Variants in RFWD3 observed in about 807,000 individuals in gnomAD.
RFWD3 encodes the protein ring finger and WD repeat domain 3.
RFWD3 carries 65 observed loss-of-function variants against 87.7 expected under a neutral mutation model. The observed-to-expected ratio is 0.74, with a 90% CI of 0.61 to 0.91. RFWD3 has a LOEUF of 0.91. Among genes scored for constraint, RFWD3 ranks in the 40% least tolerant of loss-of-function variants. The pLI, the probability that RFWD3 is intolerant of heterozygous loss-of-function variation, is 0.00. For synonymous variants in RFWD3, 433 were observed against 352.8 expected, an observed-to-expected ratio of 1.23 and a Z score of -2.55; for missense variants, 1,078 against 938.5, an observed-to-expected ratio of 1.15 and a Z score of -1.94.
In RFWD3 at chr16:74,652,131, A is replaced by G. The variant is rs902799600; in HGVS notation, c.519-9T>C. ...CCAATGGTGCTCTCAACCTATGTAC[A>G]CAGAAAGACAACGGAATTATAGTAC... On this transcript the variant is annotated splice_polypyrimidine_tract_variant and intron_variant, in intron 2 of 12. Transcript: ENST00000361070. The G allele has an allele frequency of 6.2e-7, 1 of 1,611,882 alleles. No individual in the cohort carries two copies. The highest frequency in any genetic ancestry group is 1.3e-5 in the African/African-American group (1 of 74,840).
In RFWD3 at chr16:74,648,006, G is replaced by C. The variant is rs372492932; in HGVS notation, c.792+1126C>G. Among the ~76,000 whole-genome samples the C allele has an allele frequency of 3.9e-5, 6 of 152,140 alleles. No individual in the cohort carries two copies. The South Asian group carries it at 6.2e-4, about 16-fold the overall frequency. ...CACTCTGCTGCCATGGAGTGCAGTG[G>C]TGCAATCATGGCTCACTGAAGCCTT... On this transcript the variant is annotated intron_variant, in intron 4 of 12. Transcript: ENST00000361070.
intron 8 of RFWD3, among the ~76,000 whole-genome samples, chr16:74,634,960 G>A (rs1233454384): frequency 6.6e-6 from 1 of 152,008 alleles, no homozygotes; most frequent in Non-Finnish European, 1.5e-5. Context: ...TGACCAAAAT[G>A]TTAAAACCCC....
At chr16:74,660,434 C>CA (rs1202472511) in intron 2 of RFWD3, among the ~76,000 whole-genome samples, 3 of 152,154 alleles carry the variant, frequency 2.0e-5, no homozygotes, top group Middle Eastern at 3.2e-3. Flanking sequence ...GCCTGGACGA[C>CA]AGAGTGAGAC....
intron 2 of RFWD3, among the ~76,000 whole-genome samples, chr16:74,659,617 A>G (rs1961272775): frequency 6.6e-6 from 1 of 151,076 alleles, no homozygotes; most frequent in Admixed American, 6.6e-5. Flanking sequence ...AAAAACCCAG[A>G]GTAATATGCA....
chr16:74,664,947 G>T (rs1040268319), intron 1 of RFWD3, among the ~76,000 whole-genome samples: 1 of 152,142 alleles, frequency 6.6e-6, no homozygotes, highest in Non-Finnish European at 1.5e-5. Flanking sequence ...AGTCGGAGGT[G>T]CCTAGAACGA....
intron 8 of RFWD3, among the ~76,000 whole-genome samples, chr16:74,635,471 GAAAA>G (rs5817920): frequency 7.0e-6 from 1 of 143,668 alleles, no homozygotes; most frequent in Admixed American, 7.1e-5. Flanking sequence ...CATCTCAAAA[GAAAA>G]AAAAAAAATC....
chr16:74,645,791 C>T lies in RFWD3; in HGVS notation c.793-1056G>A, dbSNP rs193183627. Among the ~76,000 whole-genome samples, 15 of 126,374 alleles carry T rather than the reference C, an allele frequency of 1.2e-4. No individual in the cohort carries two copies. The Middle Eastern group carries it at 0.038, about 320-fold the overall frequency. 82.9% of individuals were successfully genotyped at this position (126,374 alleles called of 152,430 possible). A position where few individuals can be genotyped will look rare whatever the true frequency, so the allele number is the denominator to read the frequency against. ...TTTTTGAGACAGACTCTCGCTCTGT[C>T]GCCCAGGCTGGAGTGTAGCGGCAGA... On this transcript the variant is annotated intron_variant, in intron 4 of 12. Transcript: ENST00000361070.
At chr16:74,639,137 CA>C (rs1959416575) in intron 6 of RFWD3, among the ~76,000 whole-genome samples, 1 of 150,480 alleles carries the variant, frequency 6.6e-6, no homozygotes, top group Non-Finnish European at 1.5e-5. Context: ...CCCCCGGGTT[CA>C]AGAGATTTCT....
intron 10 of RFWD3, among the ~76,000 whole-genome samples, chr16:74,630,164 C>CT (rs1959047209): frequency 6.6e-6 from 1 of 152,074 alleles, no homozygotes; most frequent in South Asian, 2.1e-4. Context: ...GGCGCAATCT[C>CT]GGCTCACCGC....
intron 2 of RFWD3, among the ~76,000 whole-genome samples, chr16:74,659,086 T>A (rs772644101): frequency 1.3e-5 from 2 of 152,178 alleles, no homozygotes; most frequent in African/African-American, 4.8e-5. Flanking sequence ...TCACTAGAGT[T>A]TGGCTTCTGT....
Position 74,644,220 on chromosome 16 carries a change from G to C in RFWD3, c.1079+142C>G, listed in dbSNP as rs1394443511. ...ACATGAATTATAAATAACAGTGTAA[G>C]ACAGACTGCCAATGATCCCCAGAGA... On this transcript the variant is annotated intron_variant, in intron 6 of 12. Transcript: ENST00000361070. 14 of 783,800 alleles carry C rather than the reference G, an allele frequency of 1.8e-5. No homozygotes were observed. In the Admixed American group the frequency reaches 2.3e-4, roughly 13 times the overall value. 48.6% of individuals were successfully genotyped at this position (783,800 alleles called of 1,614,324 possible).
In RFWD3 at chr16:74,656,328, A is replaced by G. The variant is rs12927586; in HGVS notation, c.519-4206T>C. Among the ~76,000 whole-genome samples the G allele has an allele frequency of 3.3e-5, 5 of 151,246 alleles. No individual in the cohort carries two copies. In the East Asian group the frequency reaches 7.7e-4, roughly 23 times the overall value. ...CTTGCCAAAAAAAAAAAAAAAAAAA[A>G]AAAGAAAAGAAAAGAAATATTTTGT... On this transcript the variant is annotated intron_variant, in intron 2 of 12. Coordinates refer to ENST00000361070, the MANE Select transcript of RFWD3 (RefSeq NM_018124.4).
intron 2 of RFWD3, among the ~76,000 whole-genome samples, chr16:74,656,730 T>C (rs1305661732): frequency 6.6e-6 from 1 of 152,140 alleles, no homozygotes; most frequent in Admixed American, 6.5e-5. Flanking sequence ...AGTGCTGGGA[T>C]TATAGGCATG....
In RFWD3 at chr16:74,622,861, TTAACTGGA is replaced by T. The variant is rs376763470; in HGVS notation, c.*1059_*1066del. On this transcript the variant is annotated 3_prime_UTR_variant, in exon 13 of 13. Transcript: ENST00000361070. ...ACATCAGCTTCACATGGGGAAGGCTTTAACTGGATAACTGGAATGTATAAAGAACACTT... is the reference window on the plus strand; with the variant it reads ...ACATCAGCTTCACATGGGGAAGGCTTTAACTGGAATGTATAAAGAACACTT... 1.3e-5 allele frequency: 2 copies of T among 152,178 alleles called. No homozygotes were observed. The highest frequency in any genetic ancestry group is 4.8e-5 in the African/African-American group (2 of 41,448). The allele number at this position is 152,178 out of a possible 1,614,324, so 9.4% of individuals were successfully genotyped here. A position where few individuals can be genotyped will look rare whatever the true frequency, so the allele number is the denominator to read the frequency against.
chr16:74,643,127 C>T (rs1959799690), intron 6 of RFWD3, among the ~76,000 whole-genome samples: 1 of 152,092 alleles, frequency 6.6e-6, no homozygotes, highest in Non-Finnish European at 1.5e-5. Context: ...CAGTGACTAC[C>T]TATAGAGCTT....
intron 10 of RFWD3, among the ~76,000 whole-genome samples, chr16:74,629,051 T>G (rs1959015490): frequency 6.6e-6 from 1 of 152,200 alleles, no homozygotes; most frequent in Non-Finnish European, 1.5e-5. Context: ...TCCCAAGTTG[T>G]AGTTGACAGA....
chr16:74,626,256 C>A lies in RFWD3; in HGVS notation c.2181+87G>T, dbSNP rs189249656. 12 of 1,194,744 alleles carry A rather than the reference C, an allele frequency of 1.0e-5. No homozygotes were observed. The Admixed American group carries it at 1.9e-4, about 19-fold the overall frequency. 74.0% of individuals were successfully genotyped at this position (1,194,744 alleles called of 1,614,324 possible). ...AACTTACACTTTTTTGCTATATGAG[C>A]TTCTGTAAAAAAAGTTCATGTTTTC... On this transcript the variant is annotated intron_variant, in intron 12 of 12. Coordinates refer to ENST00000361070, the MANE Select transcript of RFWD3 (RefSeq NM_018124.4).
chr16:74,628,158 A>G (rs1958990566), intron 11 of RFWD3, among the ~76,000 whole-genome samples: 1 of 152,138 alleles, frequency 6.6e-6, no homozygotes, highest in South Asian at 2.1e-4. Flanking sequence ...AATGACCTAG[A>G]GCTGGCCCCC....
intron 8 of RFWD3, among the ~76,000 whole-genome samples, chr16:74,633,299 G>T (rs1241188893): frequency 8.7e-6 from 1 of 115,192 alleles, no homozygotes; most frequent in Non-Finnish European, 1.9e-5. Context: ...AAAAAGAAAA[G>T]AAAAAAAAGT....
Sources: gnomAD v4.1 joint callset for allele counts (sites outside exome capture counted in the v4.1 genomes callset) on GRCh38, gnomAD v4.1.1 for gene constraint, MANE v1.5 for transcripts, NCBI Gene and HGNC (gene_info 2026-07-23, HGNC 2026-07-21) for gene names.